CNTNAP5: variants seen among roughly 807,000 people sequenced by gnomAD.
CNTNAP5 encodes contactin associated protein family member 5.
A neutral mutation model predicts 150.2 loss-of-function variants in CNTNAP5; 72 were observed. The observed-to-expected ratio is 0.48, with a 90% CI of 0.40 to 0.58. CNTNAP5 has a LOEUF of 0.58. Ranked by LOEUF, CNTNAP5 falls within the 20% of genes least tolerant of loss-of-function variation. The pLI is 0.00. For synonymous variants in CNTNAP5, 672 were observed against 619.8 expected (o/e 1.08, Z -1.25); for missense variants, 1,636 against 1,626.2 (o/e 1.01, Z -0.10).
At chr2:124,620,693 T>C (rs1287748902) in intron 12 of CNTNAP5, among the ~76,000 whole-genome samples, 5 of 151,946 alleles carry the variant, frequency 3.3e-5, no homozygotes, top group African/African-American at 1.2e-4. Context: ...ATTGGTGACA[T>C]GTAAGATTGT....
intron 11 of CNTNAP5, among the ~76,000 whole-genome samples, chr2:124,607,025 G>A (rs757594846): frequency 6.6e-6 from 1 of 151,868 alleles, no homozygotes. Flanking sequence ...TGCCATATGT[G>A]GATTGTGTCT....
chr2:124,305,111 CAA>C (rs57896748), intron 3 of CNTNAP5, among the ~76,000 whole-genome samples: 10 of 86,374 alleles, frequency 1.2e-4, no homozygotes, highest in African/African-American at 2.2e-4. Context: ...ACAAAAAATA[CAA>C]AAAAAAAAAA....
At chr2:124,045,825 T>A (rs1408237118) in intron 1 of CNTNAP5, among the ~76,000 whole-genome samples, 1 of 152,154 alleles carries the variant, frequency 6.6e-6, no homozygotes, top group Admixed American at 6.5e-5. Flanking sequence ...CACTTCCCCC[T>A]TGGCAGGCCT....
chr2:124,125,088 A>AAATGCACC (rs1330261949), intron 1 of CNTNAP5, among the ~76,000 whole-genome samples: 1 of 152,226 alleles, frequency 6.6e-6, no homozygotes, highest in African/African-American at 2.4e-5. Flanking sequence ...TAAATGGGCT[A>AAATGCACC]AATGCACCAA....
intron 21 of CNTNAP5, among the ~76,000 whole-genome samples, chr2:124,887,878 T>A (rs529999975): frequency 6.6e-6 from 1 of 152,146 alleles, no homozygotes; most frequent in African/African-American, 2.4e-5. Flanking sequence ...AGGATTGTTT[T>A]TTGTTTTACT....
At chr2:124,840,629 G>T (rs1163889313) in intron 19 of CNTNAP5, among the ~76,000 whole-genome samples, 1 of 151,972 alleles carries the variant, frequency 6.6e-6, no homozygotes, top group Non-Finnish European at 1.5e-5. Context: ...ATCCAGAAAA[G>T]CTTTCCACCT....
intron 10 of CNTNAP5, among the ~76,000 whole-genome samples, chr2:124,555,316 G>A (rs1695727273): frequency 6.6e-6 from 1 of 152,198 alleles, no homozygotes; most frequent in African/African-American, 2.4e-5. Flanking sequence ...AGGAAGACGT[G>A]TAATGTGCTA....
chr2:124,470,880 G>A (rs2104829926), intron 6 of CNTNAP5, among the ~76,000 whole-genome samples: 1 of 152,046 alleles, frequency 6.6e-6, no homozygotes, highest in South Asian at 2.1e-4. Context: ...ATGATTGTAG[G>A]TGTGTGGTCT....
intron 1 of CNTNAP5, among the ~76,000 whole-genome samples, chr2:124,134,804 C>A (rs911306063): frequency 1.3e-5 from 2 of 152,154 alleles, no homozygotes; most frequent in Non-Finnish European, 2.9e-5. Flanking sequence ...AAGACTCTAT[C>A]CTCCCAGAAG....
chr2:124,221,583 T>C (rs961337192), intron 1 of CNTNAP5, 122 bp from the exon 2 acceptor site: 4 of 660,660 alleles, frequency 6.1e-6, no homozygotes, highest in African/African-American at 1.8e-5. Flanking sequence ...CGGGAGTACC[T>C]GACCTTGTTC....
chr2:124,327,867 C>T (rs1291646202), intron 3 of CNTNAP5, among the ~76,000 whole-genome samples: 4 of 152,130 alleles, frequency 2.6e-5, no homozygotes, highest in Admixed American at 2.6e-4. Flanking sequence ...ACTCTTCAGA[C>T]TGTGTTAAGG....
At chr2:124,102,292 A>G (rs1683082721) in intron 1 of CNTNAP5, among the ~76,000 whole-genome samples, 1 of 152,232 alleles carries the variant, frequency 6.6e-6, no homozygotes, top group South Asian at 2.1e-4. Flanking sequence ...GTAAACCTCT[A>G]AATGAAATAA....
At chr2:124,891,069 C>T (rs1678184547) in intron 21 of CNTNAP5, among the ~76,000 whole-genome samples, 4 of 152,042 alleles carry the variant, frequency 2.6e-5, no homozygotes. Flanking sequence ...AACCAGTATC[C>T]ATTTTATAAT....
chr2:124,634,246 A>C (rs1677925956), intron 12 of CNTNAP5, among the ~76,000 whole-genome samples: 1 of 152,158 alleles, frequency 6.6e-6, no homozygotes, highest in Non-Finnish European at 1.5e-5. Context: ...GTTTCAGGTC[A>C]TTTCTTTGCT....
chr2:124,290,904 T>G (rs867783697), intron 3 of CNTNAP5, among the ~76,000 whole-genome samples: 10 of 112,148 alleles, frequency 8.9e-5, no homozygotes, highest in Non-Finnish European at 1.5e-4. Flanking sequence ...ATTTATTTAT[T>G]TATTTATTTA....
At chr2:124,650,808 C>G (rs1388209974) in intron 13 of CNTNAP5, among the ~76,000 whole-genome samples, 2 of 152,122 alleles carry the variant, frequency 1.3e-5, no homozygotes, top group African/African-American at 2.4e-5. Context: ...TTATATGGAG[C>G]TACTCCAATG....
intron 3 of CNTNAP5, among the ~76,000 whole-genome samples, chr2:124,299,226 C>G (rs1297222876): frequency 1.3e-5 from 2 of 152,182 alleles, no homozygotes; most frequent in Non-Finnish European, 2.9e-5. Context: ...GGCTCCCCCA[C>G]AGTGTGCATT....
chr2:124,846,723 A>G (rs2104698871), intron 19 of CNTNAP5, among the ~76,000 whole-genome samples: 1 of 152,254 alleles, frequency 6.6e-6, no homozygotes, highest in Middle Eastern at 3.4e-3. Context: ...AAGATATGGG[A>G]TTCAAGGGCT....
intron 12 of CNTNAP5, 54 bp downstream of exon 12, chr2:124,609,974 G>T (rs988970663): frequency 6.4e-7 from 1 of 1,551,084 alleles, no homozygotes; most frequent in African/African-American, 1.4e-5. Flanking sequence ...ATGGAAGGAA[G>T]CAAAAATAAA....
Sources: gnomAD v4.1 joint callset for allele counts (sites outside exome capture counted in the v4.1 genomes callset) on GRCh38, gnomAD v4.1.1 for gene constraint, MANE v1.5 for transcripts, NCBI Gene and HGNC (gene_info 2026-07-23, HGNC 2026-07-21) for gene names.